LRMDA: variants seen among roughly 807,000 people sequenced by gnomAD.
LRMDA encodes leucine-rich melanocyte differentiation-associated protein.
LRMDA carries 18 observed loss-of-function variants against 29.8 expected under a neutral mutation model. That is an observed-to-expected ratio of 0.60 (90% CI 0.42 to 0.90). The LOEUF (loss-of-function observed/expected upper bound fraction) is 0.90. LRMDA is among the 40% of genes least tolerant of loss of function. The probability of loss-of-function intolerance (pLI) is 0.00; values close to 1 mark genes in which losing one functional copy is unlikely to be tolerated. For missense variants in LRMDA, 273 were observed against 273.9 expected, an observed-to-expected ratio of 1.00 and a Z score of 0.02; for synonymous variants, 125 against 109.4, an observed-to-expected ratio of 1.14 and a Z score of -0.89.
chr10:76,259,663 T>C (rs1293796578), intron 5 of LRMDA, among the ~76,000 whole-genome samples: 3 of 152,122 alleles, frequency 2.0e-5, no homozygotes, highest in African/African-American at 4.8e-5. Flanking sequence ...GAGTAAGGTG[T>C]TGAAGTCCCC....
intron 5 of LRMDA, among the ~76,000 whole-genome samples, chr10:76,153,734 T>C (rs1850488996): frequency 6.6e-6 from 1 of 152,216 alleles, no homozygotes; most frequent in African/African-American, 2.4e-5. Flanking sequence ...AGAACCAATG[T>C]CATTCCCTTC....
intron 5 of LRMDA, among the ~76,000 whole-genome samples, chr10:76,111,996 T>C (rs1849586220): frequency 6.6e-6 from 1 of 152,236 alleles, no homozygotes; most frequent in Admixed American, 6.5e-5. Context: ...TTTGAAAATC[T>C]TTAATGTAAT....
chr10:76,490,745 TTTGA>T (rs762406824), intron 6 of LRMDA, among the ~76,000 whole-genome samples: 1 of 152,012 alleles, frequency 6.6e-6, no homozygotes, highest in Non-Finnish European at 1.5e-5. Context: ...CTCTGTGTCC[TTTGA>T]TTGGAGAATT....
intron 2 of LRMDA, among the ~76,000 whole-genome samples, chr10:75,613,586 A>G (rs1841061610): frequency 6.6e-6 from 1 of 152,186 alleles, no homozygotes; most frequent in African/African-American, 2.4e-5. Flanking sequence ...TTTAGGTGTG[A>G]TTGCTAATGG....
At chr10:75,667,192 G>A (rs533615179) in intron 2 of LRMDA, among the ~76,000 whole-genome samples, 2 of 148,116 alleles carry the variant, frequency 1.4e-5, no homozygotes, top group South Asian at 4.3e-4. Flanking sequence ...ATATTTGGCG[G>A]TATTTGTCCT....
intron 2 of LRMDA, among the ~76,000 whole-genome samples, chr10:75,848,557 T>C (rs1667724771): frequency 6.6e-6 from 1 of 152,202 alleles, no homozygotes; most frequent in South Asian, 2.1e-4. Flanking sequence ...GGGACTAGTC[T>C]CTTCTTTTCC....
At chr10:76,032,293 C>A (rs921105002) in intron 2 of LRMDA, among the ~76,000 whole-genome samples, 1 of 152,162 alleles carries the variant, frequency 6.6e-6, no homozygotes, top group Non-Finnish European at 1.5e-5. Flanking sequence ...CTACCCATGG[C>A]CCCCCCATGC....
intron 2 of LRMDA, among the ~76,000 whole-genome samples, chr10:75,775,730 TC>T (rs1843303079): frequency 6.6e-6 from 1 of 152,194 alleles, no homozygotes; most frequent in Non-Finnish European, 1.5e-5. Flanking sequence ...AGAGCAGTCT[TC>T]TTGTTCCCAC....
In LRMDA at chr10:76,007,040, G is replaced by T. The variant is rs1395446754; in HGVS notation, c.132-28968G>T. 7.5e-5 allele frequency among the ~76,000 whole-genome samples: 11 copies of T among 146,146 alleles called. 1 individual carries two copies. Among genetic ancestry groups the T allele is most frequent in the African/African-American group, 2.5e-4 (10 of 39,558 alleles). On this transcript the variant is annotated intron_variant, in intron 2 of 6. Transcript: ENST00000611255. ...TGTGTGTGTGTGTGTGTGCGCGTGT[G>T]TGTTTATATATTTATTTTCCGTCTC...
At chr10:75,840,668 T>A (rs1844524691) in intron 2 of LRMDA, among the ~76,000 whole-genome samples, 2 of 152,232 alleles carry the variant, frequency 1.3e-5, no homozygotes, top group Non-Finnish European at 2.9e-5. Context: ...GCAGTGAAAC[T>A]CTCATATAGA....
At chr10:76,291,113 G>A (rs1002827589) in intron 5 of LRMDA, among the ~76,000 whole-genome samples, 6 of 152,092 alleles carry the variant, frequency 3.9e-5, no homozygotes, top group Admixed American at 6.5e-5. Flanking sequence ...CTCAAGGAGC[G>A]GTCAATGAGT....
intron 2 of LRMDA, among the ~76,000 whole-genome samples, chr10:75,601,868 G>C (rs1840891096): frequency 6.6e-6 from 1 of 152,132 alleles, no homozygotes. Flanking sequence ...TTTCTGACTT[G>C]ACCTTGCTAT....
chr10:76,050,391 T>C (rs1322727728), intron 4 of LRMDA, among the ~76,000 whole-genome samples: 1 of 152,236 alleles, frequency 6.6e-6, no homozygotes, highest in African/African-American at 2.4e-5. Context: ...GCTCATTAAA[T>C]TTATATGTGA....
At chr10:76,048,857 T>C (rs548633529) in intron 4 of LRMDA, among the ~76,000 whole-genome samples, 9 of 152,292 alleles carry the variant, frequency 5.9e-5, no homozygotes, top group Admixed American at 2.6e-4. Context: ...AGGAGCTGAG[T>C]TGTCTTGACT....
intron 5 of LRMDA, among the ~76,000 whole-genome samples, chr10:76,123,554 A>G (rs1327979162): frequency 6.6e-6 from 1 of 152,224 alleles, no homozygotes; most frequent in Non-Finnish European, 1.5e-5. Context: ...TGTAAAACAC[A>G]GAAAGGTGCT....
intron 2 of LRMDA, among the ~76,000 whole-genome samples, chr10:75,837,301 C>G (rs924060857): frequency 6.6e-6 from 1 of 152,108 alleles, no homozygotes; most frequent in Non-Finnish European, 1.5e-5. Context: ...AGAGGATGCT[C>G]TCTGTAAGCT....
At chr10:76,167,449 T>C (rs191342886) in intron 5 of LRMDA, among the ~76,000 whole-genome samples, 128 of 152,182 alleles carry the variant, frequency 8.4e-4, no homozygotes, top group African/African-American at 2.9e-3. Flanking sequence ...ACGGAAGGGG[T>C]CCAGTTTCAA....
chr10:75,947,969 T>C (rs1846505665), intron 2 of LRMDA, among the ~76,000 whole-genome samples: 1 of 152,176 alleles, frequency 6.6e-6, no homozygotes, highest in Admixed American at 6.5e-5. Context: ...GTGATATTAT[T>C]TGGGACCCCC....
chr10:76,200,913 C>T (rs1392066252), intron 5 of LRMDA, among the ~76,000 whole-genome samples: 3 of 150,924 alleles, frequency 2.0e-5, no homozygotes, highest in African/African-American at 4.9e-5. Flanking sequence ...GATGGGGTTT[C>T]GCCATGTTGG....
Sources: gnomAD v4.1 joint callset for allele counts (sites outside exome capture counted in the v4.1 genomes callset) on GRCh38, gnomAD v4.1.1 for gene constraint, MANE v1.5 for transcripts, NCBI Gene and HGNC (gene_info 2026-07-23, HGNC 2026-07-21) for gene names.